MCHR2: variants seen among roughly 807,000 people sequenced by gnomAD.
The protein encoded by MCHR2 is melanin concentrating hormone receptor 2, also known as melanin-concentrating hormone receptor 2.
MCHR2 carries 15 observed loss-of-function variants against 24.8 expected under a neutral mutation model. The observed-to-expected ratio is 0.60, with a 90% CI of 0.40 to 0.93. The LOEUF is 0.93. MCHR2 is among the 40% of genes least tolerant of loss of function. The pLI is 0.00. For synonymous variants in MCHR2, 151 were observed against 147.6 expected, an observed-to-expected ratio of 1.02 and a Z score of -0.17; for missense variants, 386 against 408.7, an observed-to-expected ratio of 0.94 and a Z score of 0.48.
intron 5 of MCHR2, among the ~76,000 whole-genome samples, chr6:99,921,653 T>C (rs1472899433): frequency 6.6e-6 from 1 of 152,212 alleles, no homozygotes; most frequent in East Asian, 1.9e-4. Context: ...TAGTTATTTT[T>C]AAAAGTACAA....
rs139272310 is a variant in MCHR2 at position 99,935,183 on chromosome 6, C to G, written c.588-666G>C. Among the ~76,000 whole-genome samples the G allele has an allele frequency of 2.7e-3, 416 of 152,046 alleles. 1 individual carries two copies. Among genetic ancestry groups the G allele is most frequent in the African/African-American group, 9.5e-3 (393 of 41,516 alleles). On this transcript the variant is annotated intron_variant, in intron 4 of 5. Transcript: ENST00000281806. Reference sequence around the variant, plus strand: ...TCAGTGTACTTGGAATATCCATCACCTTAAATATTTGTCTTTTTAAAAATG... The same window carrying G: ...TCAGTGTACTTGGAATATCCATCACGTTAAATATTTGTCTTTTTAAAAATG...
chr6:99,921,306 T>A (rs1267609630), intron 5 of MCHR2, 51 bp from the exon 6 acceptor site: 1 of 1,531,340 alleles, frequency 6.5e-7, no homozygotes, highest in Admixed American at 1.7e-5. Flanking sequence ...ATAGAAATTA[T>A]GGGGCAATGT....
At chr6:99,949,606 C>A (rs1345120986) in intron 2 of MCHR2, among the ~76,000 whole-genome samples, 1 of 152,110 alleles carries the variant, frequency 6.6e-6, no homozygotes, top group Non-Finnish European at 1.5e-5. Flanking sequence ...CATCTCTTCT[C>A]CAGGCCTTGG....
intron 2 of MCHR2, among the ~76,000 whole-genome samples, chr6:99,948,500 C>T (rs929042284): frequency 2.2e-4 from 33 of 152,096 alleles, no homozygotes; most frequent in African/African-American, 7.5e-4. Flanking sequence ...ATCCTCCAGC[C>T]GCAGCCAAGC....
chr6:99,925,037 T>C (rs1290207389), intron 5 of MCHR2, among the ~76,000 whole-genome samples: 2 of 152,166 alleles, frequency 1.3e-5, no homozygotes, highest in Non-Finnish European at 2.9e-5. Flanking sequence ...GGCCTATCTC[T>C]CTCTTTAATT....
chr6:99,972,835 G>C (rs1417320942), intron 1 of MCHR2, among the ~76,000 whole-genome samples: 1 of 152,098 alleles, frequency 6.6e-6, no homozygotes, highest in Non-Finnish European at 1.5e-5. Flanking sequence ...TAGTCATTCA[G>C]GAGCAGGTTG....
intron 2 of MCHR2, among the ~76,000 whole-genome samples, chr6:99,949,338 G>A (rs1177634024): frequency 6.6e-6 from 1 of 152,128 alleles, no homozygotes; most frequent in African/African-American, 2.4e-5. Context: ...GCACAAAGAA[G>A]GGGCCCCCTC....
Position 99,920,302 on chromosome 6 carries a change from T to C in MCHR2, c.*638A>G, listed in dbSNP as rs1774196312. On this transcript the variant is annotated 3_prime_UTR_variant, in exon 6 of 6. Transcript: ENST00000281806. ...AGGCAGAGCTGAATGTTAGCTCAGC[T>C]CTTAGATAGCTGTTGCAGCATTAGG... The C allele has an allele frequency of 6.6e-6, 1 of 152,262 alleles. No individual in the cohort carries two copies. The allele number at this position is 152,262 out of a possible 1,614,324, so 9.4% of individuals were successfully genotyped here. A position where few individuals can be genotyped will look rare whatever the true frequency, so the allele number is the denominator to read the frequency against.
chr6:99,959,348 C>T (rs1277941169), intron 1 of MCHR2, among the ~76,000 whole-genome samples: 1 of 151,860 alleles, frequency 6.6e-6, no homozygotes, highest in Non-Finnish European at 1.5e-5. Flanking sequence ...TTTGAGATGT[C>T]CCCTGAATCT....
chr6:99,986,864 A>G (rs1775779133), intron 1 of MCHR2, among the ~76,000 whole-genome samples: 1 of 150,386 alleles, frequency 6.6e-6, no homozygotes, highest in Admixed American at 6.7e-5. Context: ...ATATACATGT[A>G]TAATATACAT....
In MCHR2 at chr6:99,918,939, C is replaced by T. The variant is rs1203788650; in HGVS notation, c.*2001G>A. 6.6e-6 allele frequency among the ~76,000 whole-genome samples: 1 copy of T among 152,082 alleles called. No individual in the cohort carries two copies. The highest frequency in any genetic ancestry group is 1.5e-5 in the Non-Finnish European group (1 of 68,020). ...AAAGGTCTGTGGTTTAAAGCTAAGT[C>T]TTTAAAATCATAATATTTTTCTGTA... On this transcript the variant is annotated 3_prime_UTR_variant, in exon 6 of 6. Coordinates refer to ENST00000281806, the MANE Select transcript of MCHR2 (RefSeq NM_001040179.2).
rs1196029682 is a variant in MCHR2 at position 99,982,467 on chromosome 6, GAAAAA to G, written c.-28+11464_-28+11468del. On this transcript the variant is annotated intron_variant, in intron 1 of 5. Transcript: ENST00000281806. ...AATATGGAGAAACCTTGTCTGTACAGAAAAAAAAAAAAAAAAAAAAAAAAAGCCAG... is the reference window on the plus strand; with the variant it reads ...AATATGGAGAAACCTTGTCTGTACAGAAAAAAAAAAAAAAAAAAAAGCCAG... Among the ~76,000 whole-genome samples, 18 of 46,640 alleles carry G rather than the reference GAAAAA, an allele frequency of 3.9e-4. No individual in the cohort carries two copies. In the East Asian group the frequency reaches 0.01, roughly 26 times the overall value. 30.6% of individuals were successfully genotyped at this position (46,640 alleles called of 152,430 possible).
chr6:99,940,730 G>A (rs187172129), intron 4 of MCHR2, among the ~76,000 whole-genome samples: 71 of 151,612 alleles, frequency 4.7e-4, no homozygotes, highest in African/African-American at 1.6e-3. Flanking sequence ...AGTCTTTATC[G>A]CTAGGTTGCT....
chr6:99,928,568 G>C (rs1478664027), intron 5 of MCHR2, among the ~76,000 whole-genome samples: 2 of 152,278 alleles, frequency 1.3e-5, no homozygotes, highest in Admixed American at 1.3e-4. Flanking sequence ...AGTCTTGGGA[G>C]GGTGTATGTG....
intron 1 of MCHR2, among the ~76,000 whole-genome samples, chr6:99,967,169 A>AC (rs1403560027): frequency 6.6e-6 from 1 of 152,030 alleles, no homozygotes; most frequent in African/African-American, 2.4e-5. Context: ...TAAAAAAAAA[A>AC]ACAGAAATTT....
chr6:99,923,271 C>T (rs528653275), intron 5 of MCHR2, among the ~76,000 whole-genome samples: 34 of 152,076 alleles, frequency 2.2e-4, no homozygotes, highest in African/African-American at 7.7e-4. Flanking sequence ...TTTATCAGTT[C>T]TAATAGTTTT....
chr6:99,955,965 C>T lies in MCHR2; in HGVS notation c.182+1G>A. Reference sequence around the variant, plus strand: ...AAAAAAAAAAAGGAGCCATTCCTTACCTTATTATAGTGAATACAATGAGGA... The same window carrying T: ...AAAAAAAAAAAGGAGCCATTCCTTATCTTATTATAGTGAATACAATGAGGA... On this transcript the variant is annotated splice_donor_variant, in intron 2 of 5. Transcript: ENST00000281806. LOFTEE classifies it high-confidence loss of function. 6.4e-7 allele frequency: 1 copy of T among 1,556,920 alleles called. No homozygotes were observed. The highest frequency in any genetic ancestry group is 8.6e-7 in the Non-Finnish European group (1 of 1,156,286).
At chr6:99,978,647 T>A (rs765511270) in intron 1 of MCHR2, among the ~76,000 whole-genome samples, 4 of 152,092 alleles carry the variant, frequency 2.6e-5, no homozygotes, top group Non-Finnish European at 5.9e-5. Context: ...CTCGATCTCG[T>A]GACCTCGTGA....
At chr6:99,987,075 T>TG (rs1775783157) in intron 1 of MCHR2, among the ~76,000 whole-genome samples, 1 of 149,976 alleles carries the variant, frequency 6.7e-6, no homozygotes, top group Non-Finnish European at 1.5e-5. Flanking sequence ...TGTATTGTGT[T>TG]TGTTGTGTTG....
Sources: allele counts gnomAD v4.1 joint callset (sites outside exome capture counted in the v4.1 genomes callset), GRCh38; gene constraint gnomAD v4.1.1; transcripts MANE v1.5; gene names NCBI Gene and HGNC (gene_info 2026-07-23, HGNC 2026-07-21).